Variants in CPM observed in about 807,000 individuals in gnomAD.
CPM encodes the protein renal carboxypeptidase.
In CPM, 35 loss-of-function variants were observed where a neutral mutation model predicts 46.4. The ratio of observed to expected loss-of-function variants is 0.75; its 90% CI spans 0.58 to 1.00. The LOEUF (loss-of-function observed/expected upper bound fraction) is 1.00. Ranked by LOEUF, CPM falls within the 50% of genes least tolerant of loss-of-function variation. CPM has a pLI of 0.00. For missense variants in CPM, 422 were observed against 530.4 expected, an observed-to-expected ratio of 0.80 and a Z score of 2.01; for synonymous variants, 195 against 195.3, an observed-to-expected ratio of 1.00 and a Z score of 0.01.
downstream of CPM, chr12:68,846,528 TC>T (rs1884309982): frequency 6.6e-6 from 1 of 152,230 alleles, no homozygotes; most frequent in South Asian, 2.1e-4. Flanking sequence ...AAGTAGGCCT[TC>T]CTTCAAGATC....
Position 68,932,754 on chromosome 12 carries a change from C to T in CPM, c.84G>A (p.Met28Ile), listed in dbSNP as rs1423881283. 1 of 1,614,202 alleles carries T rather than the reference C, an allele frequency of 6.2e-7. No individual in the cohort carries two copies. Among genetic ancestry groups the T allele is most frequent in the East Asian group, 2.2e-5 (1 of 44,878 alleles). Residue 28 changes from methionine (M) to isoleucine (I), a missense_variant, in exon 2 of 9, where the codon ATG becomes ATA. Coordinates refer to ENST00000551568, the MANE Select transcript of CPM (RefSeq NM_198320.5). ...LDFNYHRQEG[M>I]EAFLKTVAQN... is the part of the protein sequence containing the mutation. ...GGGCAACAGTCTTCAAAAACGCTTC[C>T]ATCCCTTCCTGGCGGTGGTAGTTGA... is the stretch of plus-strand genomic sequence containing the variant.
rs139164536 is a variant in CPM, at chr12:68,943,836, T to C, written c.-3-10996A>G. ...ACTGAAATTTATTTCTTTTCTAGCT[T>C]TGTTTCAAATGTCGAGAAAACCATT... On this transcript the variant is annotated intron_variant, in intron 1 of 8. Transcript: ENST00000546373. 1.3e-4 allele frequency among the ~76,000 whole-genome samples: 20 copies of C among 152,302 alleles called. No individual in the cohort carries two copies. In the East Asian group the frequency reaches 3.7e-3, roughly 28 times the overall value.
chr12:68,946,935 T>C (rs979406238), intron 1 of CPM, among the ~76,000 whole-genome samples: 2 of 152,216 alleles, frequency 1.3e-5, no homozygotes, highest in Non-Finnish European at 2.9e-5. Context: ...ACACAAAGAA[T>C]AAGCAACGTT....
chr12:68,860,560 G>T (rs1361204806), intron 7 of CPM, among the ~76,000 whole-genome samples: 1 of 152,068 alleles, frequency 6.6e-6, no homozygotes, highest in East Asian at 1.9e-4. Flanking sequence ...TTCCCAAAGT[G>T]CTGGGATTAC....
intron 2 of CPM, among the ~76,000 whole-genome samples, chr12:68,902,621 C>T (rs1887157482): frequency 6.6e-6 from 1 of 152,258 alleles, no homozygotes; most frequent in African/African-American, 2.4e-5. Context: ...GAAATCATAC[C>T]TGCTTAAAAT....
In CPM at chr12:68,855,156, G is replaced by C. The variant is rs767242757; in HGVS notation, c.*1281C>G. 4.6e-5 allele frequency: 7 copies of C among 152,146 alleles called. No homozygotes were observed. The highest frequency in any genetic ancestry group is 8.8e-5 in the Non-Finnish European group (6 of 68,156). 9.4% of individuals were successfully genotyped at this position (152,146 alleles called of 1,614,324 possible). A position where few individuals can be genotyped will look rare whatever the true frequency, so the allele number is the denominator to read the frequency against. On this transcript the variant is annotated 3_prime_UTR_variant, in exon 9 of 9. Transcript: ENST00000551568. Reference sequence around the variant, plus strand: ...ATTACAGGCATGAGCCACCATGCCTGGCCAACACCAACCTTTAGTTACTTG... The same window carrying C: ...ATTACAGGCATGAGCCACCATGCCTCGCCAACACCAACCTTTAGTTACTTG...
rs1884965294 is a variant in CPM, at chr12:68,856,285, T to C, written c.*152A>G. ...TTCATTATCACCACATATTGCTTAT[T>C]GTGGAATTTGGAAACATCCATTTCT... On this transcript the variant is annotated 3_prime_UTR_variant, in exon 9 of 9. Coordinates refer to ENST00000551568, the MANE Select transcript of CPM (RefSeq NM_198320.5). 2.4e-6 allele frequency: 2 copies of C among 842,890 alleles called. No homozygotes were observed. Among genetic ancestry groups the C allele is most frequent in the African/African-American group, 3.4e-5 (2 of 58,330 alleles). The allele number at this position is 842,890 out of a possible 1,614,324, so 52.2% of individuals were successfully genotyped here.
rs139524582 is a variant in CPM, at chr12:68,910,932, A to G, written c.160+21746T>C. Among the ~76,000 whole-genome samples, 839 of 152,334 alleles carry G rather than the reference A, an allele frequency of 5.5e-3. 5 individuals are homozygous for G. The highest frequency in any genetic ancestry group is 8.3e-3 in the Non-Finnish European group (567 of 68,034). ...GTTAAACATGATTTTTAAACCTGTAAAAGACACGGAGGAATTTCCCAAGCA... is the reference window on the plus strand; with the variant it reads ...GTTAAACATGATTTTTAAACCTGTAGAAGACACGGAGGAATTTCCCAAGCA... On this transcript the variant is annotated intron_variant, in intron 2 of 8. Coordinates refer to ENST00000551568, the MANE Select transcript of CPM (RefSeq NM_198320.5).
intron 1 of CPM, among the ~76,000 whole-genome samples, chr12:68,959,431 A>C (rs1242720357): frequency 6.6e-6 from 1 of 152,248 alleles, no homozygotes; most frequent in Non-Finnish European, 1.5e-5. Context: ...AAATTACCTA[A>C]AGGAGAACAG....
chr12:68,960,995 A>G (rs947477025), intron 1 of CPM, among the ~76,000 whole-genome samples: 3 of 152,292 alleles, frequency 2.0e-5, no homozygotes, highest in African/African-American at 7.2e-5. Context: ...AGCATTGGGG[A>G]CTGTCATCCC....
chr12:68,927,000 T>C (rs1273418002), intron 2 of CPM, among the ~76,000 whole-genome samples: 1 of 152,232 alleles, frequency 6.6e-6, no homozygotes. Flanking sequence ...TATTTGCTAT[T>C]GTGAATAGTG....
At chr12:68,925,479 C>T (rs1888220879) in intron 2 of CPM, among the ~76,000 whole-genome samples, 1 of 152,150 alleles carries the variant, frequency 6.6e-6, no homozygotes, top group South Asian at 2.1e-4. Flanking sequence ...TTGATCATAA[C>T]AGCGAAAGTT....
intron 2 of CPM, among the ~76,000 whole-genome samples, chr12:68,896,912 GAA>G (rs796369604): frequency 6.9e-6 from 1 of 144,762 alleles, no homozygotes; most frequent in African/African-American, 2.5e-5. Flanking sequence ...GTTTTTAATT[GAA>G]AAAAAAAAAT....
In CPM at chr12:68,894,018, G is replaced by A. The variant is rs114069135; in HGVS notation, c.161-8129C>T. Among the ~76,000 whole-genome samples the A allele has an allele frequency of 9.2e-3, 1,400 of 152,118 alleles. 14 individuals carry two copies. The highest frequency in any genetic ancestry group is 0.031 in the African/African-American group (1,299 of 41,462). On this transcript the variant is annotated intron_variant, in intron 2 of 8. Coordinates refer to ENST00000551568, the MANE Select transcript of CPM (RefSeq NM_198320.5). ...GCACTCTGAGGGTAGGGTGTGGAGC[G>A]CTGGTTGTTACCAGGGACTACCTCA...
chr12:68,934,730 GTCGAC>G (rs1805895485), upstream of CPM, among the ~76,000 whole-genome samples: 1 of 152,144 alleles, frequency 6.6e-6, no homozygotes. Flanking sequence ...CAGTGGCTGT[GTCGAC>G]TCTGTGCCTT....
At chr12:68,962,149 A>G (rs11177422) in intron 1 of CPM, among the ~76,000 whole-genome samples, 3,618 of 151,322 alleles carry the variant, frequency 0.024, 132 homozygotes, top group African/African-American at 0.078. Flanking sequence ...GCAGTGAGCC[A>G]AGATAGCGCC....
At chr12:68,955,282 A>C (rs1212913990) in intron 1 of CPM, among the ~76,000 whole-genome samples, 1 of 152,176 alleles carries the variant, frequency 6.6e-6, no homozygotes, top group Non-Finnish European at 1.5e-5. Context: ...TATAATTTTA[A>C]ATCTTTACGA....
At chr12:68,913,963 G>C (rs759895202) in intron 2 of CPM, 7 of 719,078 alleles carry the variant, frequency 9.7e-6, no homozygotes, top group African/African-American at 1.7e-5. Context: ...TATCAAATTT[G>C]TGTTTGATGC....
At chr12:68,877,882 A>C (rs185441857) in intron 3 of CPM, among the ~76,000 whole-genome samples, 178 of 152,364 alleles carry the variant, frequency 1.2e-3, no homozygotes, top group African/African-American at 4.0e-3. Flanking sequence ...GTAAACCATT[A>C]AAATACCCCC....
Sources: gnomAD v4.1 joint callset for allele counts (sites outside exome capture counted in the v4.1 genomes callset) on GRCh38, gnomAD v4.1.1 for gene constraint, MANE v1.5 for transcripts, NCBI Gene and HGNC (gene_info 2026-07-23, HGNC 2026-07-21) for gene names.